TMEM106B: variants seen among roughly 807,000 people sequenced by gnomAD.
The protein encoded by TMEM106B is transmembrane protein 106B.
TMEM106B carries 15 observed loss-of-function variants against 31.1 expected under a neutral mutation model. The ratio of observed to expected loss-of-function variants is 0.48; its 90% CI spans 0.32 to 0.74. The LOEUF is 0.74. Ranked by LOEUF, TMEM106B falls within the 30% of genes least tolerant of loss-of-function variation. The pLI is 0.03. For missense variants in TMEM106B, 283 were observed against 327.3 expected (o/e 0.86, Z 1.04); for synonymous variants, 126 against 112.5 (o/e 1.12, Z -0.76).
rs1782170429 is a variant in TMEM106B, at chr7:12,237,851, ACACACT to A, written c.*5877_*5882del. ...CACACACACACACACACACACACAC[ACACACT>A]ATTGCTAAAAAATGTTAACGATCAT... On this transcript the variant is annotated 3_prime_UTR_variant, in exon 8 of 8. Coordinates refer to ENST00000396668, the MANE Select transcript of TMEM106B (RefSeq NM_001134232.2). 6.6e-6 allele frequency: 1 copy of A among 150,648 alleles called. No homozygotes were observed. Among genetic ancestry groups the A allele is most frequent in the African/African-American group, 2.5e-5 (1 of 40,586 alleles). 9.3% of individuals were successfully genotyped at this position (150,648 alleles called of 1,614,324 possible). A position where few individuals can be genotyped will look rare whatever the true frequency, so the allele number is the denominator to read the frequency against.
At position 12,236,874 on chromosome 7, in the gene TMEM106B, A is replaced by G. The variant is rs888728521; in HGVS notation, c.*4899A>G. 1 of 152,140 alleles carries G rather than the reference A, an allele frequency of 6.6e-6. No individual in the cohort carries two copies. The highest frequency in any genetic ancestry group is 1.5e-5 in the Non-Finnish European group (1 of 67,970). The allele number at this position is 152,140 out of a possible 1,614,324, so 9.4% of individuals were successfully genotyped here. A position where few individuals can be genotyped will look rare whatever the true frequency, so the allele number is the denominator to read the frequency against. ...TTTTTCTTTAGAACTAAACTATAAC[A>G]GATTTTGGAAAATGATTTGACGTGC... On this transcript the variant is annotated 3_prime_UTR_variant, in exon 8 of 8. Coordinates refer to ENST00000396668, the MANE Select transcript of TMEM106B (RefSeq NM_001134232.2).
At chr7:12,217,212 G>A (rs1781705454) in intron 2 of TMEM106B, among the ~76,000 whole-genome samples, 1 of 152,174 alleles carries the variant, frequency 6.6e-6, no homozygotes, top group Admixed American at 6.5e-5. Context: ...TAAAAGGTAA[G>A]TTATAAGCAC....
At chr7:12,218,321 G>A (rs917826322) in intron 2 of TMEM106B, 137 bp from the exon 3 acceptor site, 4 of 520,434 alleles carry the variant, frequency 7.7e-6, no homozygotes, top group Non-Finnish European at 9.6e-6. Flanking sequence ...GATACTTTCT[G>A]AAGACTTAGC....
chr7:12,217,210 A>G (rs1278592921), intron 2 of TMEM106B, among the ~76,000 whole-genome samples: 1 of 152,172 alleles, frequency 6.6e-6, no homozygotes, highest in African/African-American at 2.4e-5. Flanking sequence ...TATAAAAGGT[A>G]AGTTATAAGC....
rs548677695 is a variant in TMEM106B at position 12,239,883 on chromosome 7, A to G, written c.*7908A>G. 1.9e-4 allele frequency: 29 copies of G among 152,318 alleles called. No individual in the cohort carries two copies. Among genetic ancestry groups the G allele is most frequent in the African/African-American group, 7.0e-4 (29 of 41,594 alleles). The allele number at this position is 152,318 out of a possible 1,614,324, so 9.4% of individuals were successfully genotyped here. A position where few individuals can be genotyped will look rare whatever the true frequency, so the allele number is the denominator to read the frequency against. On this transcript the variant is annotated 3_prime_UTR_variant, in exon 8 of 8. Transcript: ENST00000396668. ...AAACATTTGAAATATTGCAAAAATT[A>G]CCAAAATGCGACAGAGACATGAAAT...
chr7:12,228,622 C>A (rs1472911836), intron 4 of TMEM106B, among the ~76,000 whole-genome samples: 2 of 151,812 alleles, frequency 1.3e-5, no homozygotes, highest in Admixed American at 1.3e-4. Flanking sequence ...GGAATCGGTG[C>A]TCAGAAGTAG....
In TMEM106B at chr7:12,237,810, T is replaced by TACACACACACACACACACACACACAC. The variant is rs1441274612; in HGVS notation, c.*5836_*5837insCACACACACACACACACACACACACA. ...ACATGGCGAGACCCCATATAAAATA[T>TACACACACACACACACACACACACAC]ATACATACACACACACACACACACA... On this transcript the variant is annotated 3_prime_UTR_variant, in exon 8 of 8. Transcript: ENST00000396668. 1 of 117,872 alleles carries TACACACACACACACACACACACACAC rather than the reference T, an allele frequency of 8.5e-6. No homozygotes were observed. Among genetic ancestry groups the TACACACACACACACACACACACACAC allele is most frequent in the Non-Finnish European group, 1.7e-5 (1 of 57,820 alleles). The allele number at this position is 117,872 out of a possible 1,614,324, so 7.3% of individuals were successfully genotyped here. A position where few individuals can be genotyped will look rare whatever the true frequency, so the allele number is the denominator to read the frequency against.
Position 12,239,380 on chromosome 7 carries a change from A to G in TMEM106B, c.*7405A>G, listed in dbSNP as rs565353904. On this transcript the variant is annotated 3_prime_UTR_variant, in exon 8 of 8. Coordinates refer to ENST00000396668, the MANE Select transcript of TMEM106B (RefSeq NM_001134232.2). Reference sequence around the variant, plus strand: ...CCACTAAAACATTCCCATATCGGCAATAAGGCTGTTTGATTTTCTTATCAT... The same window carrying G: ...CCACTAAAACATTCCCATATCGGCAGTAAGGCTGTTTGATTTTCTTATCAT... The G allele has an allele frequency of 6.6e-6, 1 of 152,268 alleles. No homozygotes were observed. The highest frequency in any genetic ancestry group is 1.9e-4 in the East Asian group (1 of 5,168). The allele number at this position is 152,268 out of a possible 1,614,324, so 9.4% of individuals were successfully genotyped here. A position where few individuals can be genotyped will look rare whatever the true frequency, so the allele number is the denominator to read the frequency against.
intron 1 of TMEM106B, chr7:12,214,136 G>A (rs1406070971): frequency 6.6e-6 from 1 of 152,132 alleles, no homozygotes; most frequent in Non-Finnish European, 1.5e-5. Flanking sequence ...CTTTGAAATG[G>A]CCTTGCAAAG....
chr7:12,231,627 G>A (rs12699334), intron 7 of TMEM106B: 25,754 of 409,568 alleles, frequency 0.063, 1,123 homozygotes, highest in Middle Eastern at 0.094. Flanking sequence ...CACTTATTAT[G>A]TGTAATTATG....
At chr7:12,230,939 A>AC (rs1554310435) in intron 6 of TMEM106B, 123 bp from the exon 7 acceptor site, 6 of 619,452 alleles carry the variant, frequency 9.7e-6, no homozygotes, top group Admixed American at 6.8e-5. Context: ...AGTATAGAAA[A>AC]TTCTCAACCA....
In TMEM106B at chr7:12,229,391, G is replaced by A. The variant is rs1405944403; in HGVS notation, c.442-288G>A. The stretch of plus-strand genomic sequence containing the variant: ...TAGGTACTGTTGAACATTTTAAATG[G>A]TCATCTTTGTATTTAATAGAATAGG... On this transcript the variant is annotated intron_variant, in intron 4 of 7. Coordinates refer to ENST00000396668, the MANE Select transcript of TMEM106B (RefSeq NM_001134232.2). Among the ~76,000 whole-genome samples, 3 of 152,114 alleles carry A rather than the reference G, an allele frequency of 2.0e-5. No individual in the cohort carries two copies. The East Asian group carries it at 5.8e-4, about 29-fold the overall frequency.
rs1388053995 is a variant in TMEM106B at position 12,241,885 on chromosome 7, A to C, written c.*9910A>C. On this transcript the variant is annotated 3_prime_UTR_variant, in exon 8 of 8. Coordinates refer to ENST00000396668, the MANE Select transcript of TMEM106B (RefSeq NM_001134232.2). ...CACCAACAGTGTGTAAAAGCTTCCTATTTCTCTACATTCTCTCCAGCATCT... is the reference window on the plus strand; with the variant it reads ...CACCAACAGTGTGTAAAAGCTTCCTCTTTCTCTACATTCTCTCCAGCATCT... 2 of 152,074 alleles carry C rather than the reference A, an allele frequency of 1.3e-5. No homozygotes were observed. Among genetic ancestry groups the C allele is most frequent in the Non-Finnish European group, 2.9e-5 (2 of 68,030 alleles). 9.4% of individuals were successfully genotyped at this position (152,074 alleles called of 1,614,324 possible).
In TMEM106B at chr7:12,240,502, T is replaced by C. The variant is rs1186768707; in HGVS notation, c.*8527T>C. ...CTTAGAGGTTGTGTTTTAATTACTA[T>C]TTTTAAAATCTTGTATGAGGTAGTA... On this transcript the variant is annotated 3_prime_UTR_variant, in exon 8 of 8. Coordinates refer to ENST00000396668, the MANE Select transcript of TMEM106B (RefSeq NM_001134232.2). 6.6e-6 allele frequency: 1 copy of C among 152,192 alleles called. No homozygotes were observed. The highest frequency in any genetic ancestry group is 2.4e-5 in the African/African-American group (1 of 41,458). The allele number at this position is 152,192 out of a possible 1,614,324, so 9.4% of individuals were successfully genotyped here.
chr7:12,236,485 A>G lies in TMEM106B; in HGVS notation c.*4510A>G, dbSNP rs1782138939. 1 of 151,974 alleles carries G rather than the reference A, an allele frequency of 6.6e-6. No individual in the cohort carries two copies. The highest frequency in any genetic ancestry group is 1.5e-5 in the Non-Finnish European group (1 of 67,902). 9.4% of individuals were successfully genotyped at this position (151,974 alleles called of 1,614,324 possible). On this transcript the variant is annotated 3_prime_UTR_variant, in exon 8 of 8. Coordinates refer to ENST00000396668, the MANE Select transcript of TMEM106B (RefSeq NM_001134232.2). ...TTAAGTCTTCTAAAAGGAAGCTGTT[A>G]CCCTTCTGTTTTTAATTACATTAAT... is the stretch of plus-strand genomic sequence containing the variant.
intron 7 of TMEM106B, chr7:12,231,567 T>C: frequency 3.3e-6 from 1 of 304,896 alleles, no homozygotes; most frequent in Non-Finnish European, 6.0e-6. Context: ...CTTTTAAGCA[T>C]ATAATGAACT....
At position 12,238,068 on chromosome 7, in the gene TMEM106B, G is replaced by A. The variant is rs1782174614; in HGVS notation, c.*6093G>A. On this transcript the variant is annotated 3_prime_UTR_variant, in exon 8 of 8. Transcript: ENST00000396668. ...AAAGATGTCTCTAGCATGTGATGCT[G>A]TTTTGATAGCATTTTACCAATGGTA... 6.6e-6 allele frequency: 1 copy of A among 152,314 alleles called. No individual in the cohort carries two copies. The highest frequency in any genetic ancestry group is 1.5e-5 in the Non-Finnish European group (1 of 68,164). The allele number at this position is 152,314 out of a possible 1,614,324, so 9.4% of individuals were successfully genotyped here.
In TMEM106B at chr7:12,243,042, A is replaced by C. The variant is rs149298119; in HGVS notation, c.*11067A>C. 2 of 152,092 alleles carry C rather than the reference A, an allele frequency of 1.3e-5. No homozygotes were observed. The highest frequency in any genetic ancestry group is 2.9e-5 in the Non-Finnish European group (2 of 67,978). 9.4% of individuals were successfully genotyped at this position (152,092 alleles called of 1,614,324 possible). ...GTTCTTGAAAAGAACTTCGTATAAC[A>C]TCATTAGATTTTTACAGAATCTTTA... On this transcript the variant is annotated 3_prime_UTR_variant, in exon 8 of 8. Transcript: ENST00000396668.
chr7:12,228,806 A>T (rs1781957006), intron 4 of TMEM106B, among the ~76,000 whole-genome samples: 2 of 152,090 alleles, frequency 1.3e-5, no homozygotes, highest in South Asian at 4.1e-4. Flanking sequence ...TAGTTTGAGG[A>T]ATTTAAAGCA....
Sources: gnomAD v4.1 joint callset for allele counts (sites outside exome capture counted in the v4.1 genomes callset) on GRCh38, gnomAD v4.1.1 for gene constraint, MANE v1.5 for transcripts, NCBI Gene and HGNC (gene_info 2026-07-23, HGNC 2026-07-21) for gene names.